GOLGB1: variants seen among roughly 807,000 people sequenced by gnomAD.
GOLGB1 encodes the protein golgin B1, also known as golgin subfamily B member 1.
In GOLGB1, 174 loss-of-function variants were observed where a neutral mutation model predicts 336.9. That is an observed-to-expected ratio of 0.52 (90% confidence interval 0.46 to 0.59). GOLGB1 has a LOEUF of 0.59. Among genes scored for constraint, GOLGB1 ranks in the 20% least tolerant of loss-of-function variants. The probability of loss-of-function intolerance (pLI) is 0.00; values close to 1 mark genes in which losing one functional copy is unlikely to be tolerated. For synonymous variants in GOLGB1, 1,208 were observed against 1,289.2 expected (o/e 0.94, Z 1.35); for missense variants, 3,331 against 3,645.3 (o/e 0.91, Z 2.22).
chr3:121,691,462 G>A lies in GOLGB1; in HGVS notation c.7902C>T (p.Leu2634=), dbSNP rs1226746352. 6.2e-7 allele frequency: 1 copy of A among 1,613,654 alleles called. No individual in the cohort carries two copies. The highest frequency in any genetic ancestry group is 1.7e-5 in the Admixed American group (1 of 59,982). ...CTTTTACTTTTAACTGGGCATGATA[G>A]AGTCCTAAAGTACCTTCTTCTTGCA... ...TALQEEGTLG[L]YHAQLKVKEE... Residue 2634 remains leucine (L), a synonymous_variant, in exon 14 of 22, where the codon CTC becomes CTT. Transcript: ENST00000614479.
chr3:121,702,973 C>T (rs1943526861), intron 10 of GOLGB1, among the ~76,000 whole-genome samples: 7 of 152,052 alleles, frequency 4.6e-5, no homozygotes, highest in Admixed American at 2.6e-4. Context: ...GGAGAATGAA[C>T]ATGAAGAGAG....
chr3:121,716,646 G>A (rs1944801455), intron 9 of GOLGB1, 91 bp downstream of exon 9: 1 of 1,068,008 alleles, frequency 9.4e-7, no homozygotes, highest in Non-Finnish European at 1.4e-6. Context: ...ATTGGTTTGA[G>A]TACAGATTTC....
rs749992825 is a variant in GOLGB1, at chr3:121,748,573, CA to C, written c.-3+1058del. 7.7e-4 allele frequency among the ~76,000 whole-genome samples: 118 copies of C among 152,284 alleles called. 2 individuals are homozygous for C. The highest frequency in any genetic ancestry group is 1.5e-4 in the Non-Finnish European group (10 of 68,000). ...CTTTTTCCTGCATCTATTCCAAAACCAAATCCTGCCATTTTTCCAATAGGAT... is the reference window on the plus strand; with the variant it reads ...CTTTTTCCTGCATCTATTCCAAAACCAATCCTGCCATTTTTCCAATAGGAT... On this transcript the variant is annotated intron_variant, in intron 1 of 21. Transcript: ENST00000614479.
intron 14 of GOLGB1, among the ~76,000 whole-genome samples, chr3:121,685,234 G>A (rs1437713819): frequency 3.9e-5 from 6 of 152,140 alleles, no homozygotes; most frequent in Non-Finnish European, 8.8e-5. Context: ...GAAGGGGTTT[G>A]TATTAAAATG....
intron 10 of GOLGB1, among the ~76,000 whole-genome samples, chr3:121,710,804 CTG>C (rs1944293888): frequency 1.3e-5 from 2 of 151,996 alleles, no homozygotes; most frequent in African/African-American, 4.8e-5. Context: ...CTGCAGTGAG[CTG>C]TCATCACACC....
intron 7 of GOLGB1, among the ~76,000 whole-genome samples, chr3:121,719,311 T>C (rs553898328): frequency 6.6e-6 from 1 of 152,332 alleles, no homozygotes; most frequent in East Asian, 1.9e-4. Context: ...TATTTAAAAC[T>C]GACTTCATTG....
chr3:121,747,765 G>A (rs1038232983), intron 1 of GOLGB1, among the ~76,000 whole-genome samples: 2 of 152,038 alleles, frequency 1.3e-5, no homozygotes, highest in Non-Finnish European at 2.9e-5. Context: ...GGGAAGTGGG[G>A]AATGGAGATG....
intron 5 of GOLGB1, among the ~76,000 whole-genome samples, chr3:121,724,443 G>A (rs906541659): frequency 2.4e-4 from 37 of 152,114 alleles, no homozygotes; most frequent in African/African-American, 8.9e-4. Flanking sequence ...GTAGAAGGCT[G>A]AGCTTGAGAG....
intron 14 of GOLGB1, among the ~76,000 whole-genome samples, chr3:121,688,802 CGTCTGGG>C (rs1942073226): frequency 6.6e-6 from 1 of 151,978 alleles, no homozygotes; most frequent in Admixed American, 6.5e-5. Flanking sequence ...TCCGCCGCCC[CGTCTGGG>C]ATGTGAGGAG....
chr3:121,722,043 T>C (rs1945233331), intron 6 of GOLGB1, among the ~76,000 whole-genome samples: 1 of 152,172 alleles, frequency 6.6e-6, no homozygotes, highest in South Asian at 2.1e-4. Context: ...TCAAGGTAAA[T>C]AACACATTGT....
chr3:121,690,486 T>C (rs1942305138), intron 14 of GOLGB1, among the ~76,000 whole-genome samples, 184 bp downstream of exon 14: 1 of 152,244 alleles, frequency 6.6e-6, no homozygotes, highest in South Asian at 2.1e-4. Flanking sequence ...TTGGCAGGTT[T>C]AGCAATTTAA....
chr3:121,733,310 A>G (rs950069878), intron 1 of GOLGB1, among the ~76,000 whole-genome samples: 8 of 148,752 alleles, frequency 5.4e-5, no homozygotes, highest in African/African-American at 2.0e-4. Flanking sequence ...AAAAAAAAAA[A>G]GTCAACTGCA....
chr3:121,688,723 T>A (rs553054216), intron 14 of GOLGB1, among the ~76,000 whole-genome samples: 1 of 140,934 alleles, frequency 7.1e-6, no homozygotes, highest in Admixed American at 7.1e-5. Flanking sequence ...CCGGCCGCCA[T>A]CCCATCTAGG....
intron 4 of GOLGB1, among the ~76,000 whole-genome samples, chr3:121,727,319 T>TATATAA (rs1560308208): frequency 2.1e-5 from 1 of 46,682 alleles, no homozygotes; most frequent in Non-Finnish European, 4.4e-5. Flanking sequence ...TATATATATA[T>TATATAA]ATTTTTTTTT....
chr3:121,747,371 ATATGTC>A (rs1183725268), intron 1 of GOLGB1, among the ~76,000 whole-genome samples: 171 of 144,448 alleles, frequency 1.2e-3, no homozygotes, highest in Admixed American at 2.4e-3. Flanking sequence ...ATATATACGT[ATATGTC>A]TATATACGTA....
At chr3:121,746,761 T>A (rs996795295) in intron 1 of GOLGB1, among the ~76,000 whole-genome samples, 1 of 152,160 alleles carries the variant, frequency 6.6e-6, no homozygotes, top group Non-Finnish European at 1.5e-5. Flanking sequence ...ATTACAGGCA[T>A]GAGCCACTGC....
chr3:121,714,926 G>A lies in GOLGB1; in HGVS notation c.1339C>T (p.Pro447Ser). The A allele has an allele frequency of 6.2e-7, 1 of 1,612,800 alleles. No homozygotes were observed. Reference sequence around the variant, plus strand: ...GATGCTGTTTCATGTTGTTGCAAGGGCAGTCTATTTAGAAATTGGCTAATT... The same window carrying A: ...GATGCTGTTTCATGTTGTTGCAAGGACAGTCTATTTAGAAATTGGCTAATT... ...KEISQFLNRL[P>S]LQQHETASQT... The change falls in exon 10 of 22, where the codon CCC becomes TCC. Residue 447 changes from proline to serine, a missense_variant. Coordinates refer to ENST00000614479, the MANE Select transcript of GOLGB1 (RefSeq NM_001366282.2).
At position 121,698,724 on chromosome 3, in the gene GOLGB1, T is replaced by C; in HGVS notation, c.1799A>G (p.Gln600Arg). 1.9e-6 allele frequency: 3 copies of C among 1,613,774 alleles called. No homozygotes were observed. The highest frequency in any genetic ancestry group is 2.5e-6 in the Non-Finnish European group (3 of 1,179,734). ...AEEADHEVLD[Q>R]KEMKQMEGEG... Reference sequence around the variant, plus strand: ...ACCCTCCATCTGTTTCATTTCTTTCTGGTCAAGGACCTCATGATCTGCTTC... The same window carrying C: ...ACCCTCCATCTGTTTCATTTCTTTCCGGTCAAGGACCTCATGATCTGCTTC... Residue 600 changes from glutamine (Q) to arginine (R), a missense_variant, in exon 13 of 22, where the codon CAG (glutamine) becomes CGG (arginine). Physicochemically the swap from Gln to Arg is conservative, Grantham distance 43. Transcript: ENST00000614479.
At position 121,664,411 on chromosome 3, in the gene GOLGB1, A is replaced by G; in HGVS notation, c.*69T>C. ...TGGGAAGACTGTTCCACTGGAATTG[A>G]TGTTCTGATGTTAGAGGTGAGAGAA... On this transcript the variant is annotated 3_prime_UTR_variant, in exon 22 of 22. Coordinates refer to ENST00000614479, the MANE Select transcript of GOLGB1 (RefSeq NM_001366282.2). The G allele has an allele frequency of 7.8e-7, 1 of 1,284,050 alleles. No homozygotes were observed. Among genetic ancestry groups the G allele is most frequent in the Non-Finnish European group, 1.1e-6 (1 of 881,192 alleles). 79.5% of individuals were successfully genotyped at this position (1,284,050 alleles called of 1,614,324 possible). A position where few individuals can be genotyped will look rare whatever the true frequency, so the allele number is the denominator to read the frequency against.
Sources: gnomAD v4.1 joint callset for allele counts (sites outside exome capture counted in the v4.1 genomes callset) on GRCh38, gnomAD v4.1.1 for gene constraint, MANE v1.5 for transcripts, NCBI Gene and HGNC (gene_info 2026-07-23, HGNC 2026-07-21) for gene names.